PLPPR4: variants seen among roughly 807,000 people sequenced by gnomAD.
The protein encoded by PLPPR4 is phospholipid phosphatase related 4.
In PLPPR4, 24 loss-of-function variants were observed where a neutral mutation model predicts 56.6. The ratio of observed to expected loss-of-function variants is 0.42; its 90% CI spans 0.31 to 0.60. The LOEUF is 0.60. Ranked by LOEUF, PLPPR4 falls within the 20% of genes least tolerant of loss-of-function variation. The pLI is 0.13. For synonymous variants in PLPPR4, 326 were observed against 328.1 expected, an observed-to-expected ratio of 0.99 and a Z score of 0.07; for missense variants, 654 against 885.8, an observed-to-expected ratio of 0.74 and a Z score of 3.32.
At chr1:99,304,415 T>C (rs994448756) in intron 6 of PLPPR4, among the ~76,000 whole-genome samples, 12 of 152,314 alleles carry the variant, frequency 7.9e-5, no homozygotes, top group Non-Finnish European at 1.3e-4. Context: ...CACCTGTCAA[T>C]GCATTTCTTA....
chr1:99,279,996 A>G (rs1025373589), intron 1 of PLPPR4, among the ~76,000 whole-genome samples: 1 of 152,206 alleles, frequency 6.6e-6, no homozygotes, highest in Non-Finnish European at 1.5e-5. Flanking sequence ...AGCAATTTTC[A>G]TGTTTGGGTG....
intron 6 of PLPPR4, among the ~76,000 whole-genome samples, chr1:99,303,396 T>C (rs1035292127): frequency 6.6e-6 from 1 of 152,116 alleles, no homozygotes; most frequent in East Asian, 1.9e-4. Flanking sequence ...AGCAGTTAAG[T>C]AGTTGCTTCT....
chr1:99,288,529 C>G (rs187491447), intron 2 of PLPPR4, among the ~76,000 whole-genome samples: 53 of 152,032 alleles, frequency 3.5e-4, no homozygotes, highest in African/African-American at 1.2e-3. Flanking sequence ...ATTACATAGC[C>G]AAAAGTGCAT....
rs1480612524 is a variant in PLPPR4, at chr1:99,306,105, C to A, written c.1243C>A (p.Gln415Lys). Reference sequence around the variant, plus strand: ...GAATGAAAGTCGAAAGTTGTCCTTGCAAGTTATAGAGCCTGAGCCTGGGCA... The same window carrying A: ...GAATGAAAGTCGAAAGTTGTCCTTGAAAGTTATAGAGCCTGAGCCTGGGCA... ...NKNESRKLSL[Q>K]VIEPEPGQSP... Residue 415 changes from glutamine to lysine, a missense_variant, in exon 7 of 7, where the codon CAA becomes AAA. Around this residue, in one of 2 missense-constraint regions of PLPPR4, gnomAD observed 468 missense variants for 554.3 expected, o/e 0.84. Coordinates refer to ENST00000370185, the MANE Select transcript of PLPPR4 (RefSeq NM_014839.5). This position sits in a 1 kb window ranked among gnomAD's most constrained non-coding sequence, Gnocchi z 4.0. The A allele has an allele frequency of 1.9e-6, 3 of 1,613,982 alleles. No individual in the cohort carries two copies. Among genetic ancestry groups the A allele is most frequent in the Non-Finnish European group, 2.5e-6 (3 of 1,180,030 alleles).
At chr1:99,298,167 TACCCTGGTCC>T (rs1659790362) in intron 3 of PLPPR4, among the ~76,000 whole-genome samples, 1 of 152,084 alleles carries the variant, frequency 6.6e-6, no homozygotes, top group Admixed American at 6.6e-5. Context: ...ACTGAAGAAT[TACCCTGGTCC>T]TCTCATAATG....
chr1:99,279,708 C>T (rs964902802), intron 1 of PLPPR4, among the ~76,000 whole-genome samples: 22 of 152,144 alleles, frequency 1.4e-4, no homozygotes, highest in Non-Finnish European at 2.4e-4. Context: ...GCAGGATACA[C>T]GGCGGTGCAT....
At chr1:99,269,859 T>C (rs1447592595) in intron 1 of PLPPR4, among the ~76,000 whole-genome samples, 2 of 152,304 alleles carry the variant, frequency 1.3e-5, no homozygotes, top group East Asian at 1.9e-4. Context: ...CTTCTGTGCA[T>C]AGGTATGTAC....
At chr1:99,290,559 T>C (rs968200765) in intron 2 of PLPPR4, among the ~76,000 whole-genome samples, 10 of 152,088 alleles carry the variant, frequency 6.6e-5, no homozygotes, top group African/African-American at 2.4e-4. Flanking sequence ...AGGGCTACAG[T>C]AACCAAAACA....
chr1:99,271,943 T>TGTGTGTGTGTGTGA lies in PLPPR4; in HGVS notation c.78+7273_78+7274insTGTGTGTGTGTGAG, dbSNP rs140869914. Among the ~76,000 whole-genome samples, 692 of 127,006 alleles carry TGTGTGTGTGTGTGA rather than the reference T, an allele frequency of 5.4e-3. 6 individuals are homozygous for TGTGTGTGTGTGTGA. The highest frequency in any genetic ancestry group is 0.016 in the African/African-American group (564 of 34,212). 83.3% of individuals were successfully genotyped at this position (127,006 alleles called of 152,430 possible). On this transcript the variant is annotated intron_variant, in intron 1 of 6. Transcript: ENST00000370185. ...GTGTGTGTGTGTGTGTGTGTGTGTG[T>TGTGTGTGTGTGTGA]GATGGAGATCCAATCTGTGAGCAAA...
chr1:99,267,156 T>C (rs1179655011), intron 1 of PLPPR4, among the ~76,000 whole-genome samples: 3 of 152,194 alleles, frequency 2.0e-5, no homozygotes, highest in Non-Finnish European at 2.9e-5. Flanking sequence ...GAGAAAACAG[T>C]CCCTGGTTCT....
Position 99,299,122 on chromosome 1 carries a change from CTG to C in PLPPR4, c.487_488del (p.Cys163GlnfsTer26). 1 of 1,613,208 alleles carries C rather than the reference CTG, an allele frequency of 6.2e-7. No individual in the cohort carries two copies. Among genetic ancestry groups the C allele is most frequent in the Non-Finnish European group, 8.5e-7 (1 of 1,179,404 alleles). On this transcript the variant is annotated frameshift_variant, in exon 4 of 7. Transcript: ENST00000370185. LOFTEE classifies it high-confidence loss of function. Reference sequence around the variant, plus strand: ...GGATATCAAGCACCTTACTTTCTGACTGTGTGCAAACCAAACTATACCTCTCT... The same window carrying C: ...GGATATCAAGCACCTTACTTTCTGACTGTGCAAACCAAACTATACCTCTCT...
At position 99,292,412 on chromosome 1, in the gene PLPPR4, C is replaced by G. The variant is rs1013102937; in HGVS notation, c.264+4262C>G. ...GGCATTAAAACTTTCTTTCTTGAGG[C>G]CTGAGAAATAAAAGGGAAAATACAC... On this transcript the variant is annotated intron_variant, in intron 2 of 6. Transcript: ENST00000370185. Among the ~76,000 whole-genome samples, 9 of 152,238 alleles carry G rather than the reference C, an allele frequency of 5.9e-5. No homozygotes were observed. The East Asian group carries it at 1.7e-3, about 29-fold the overall frequency.
Position 99,306,473 on chromosome 1 carries a change from G to A in PLPPR4, c.1611G>A (p.Gln537=). The A allele has an allele frequency of 6.2e-7, 1 of 1,614,186 alleles. No homozygotes were observed. Among genetic ancestry groups the A allele is most frequent in the Non-Finnish European group, 8.5e-7 (1 of 1,180,030 alleles). ...RIMQVIAMSK[Q]QGVLQSSPKN... is the part of the protein sequence containing the mutation. ...TGCAAGTCATAGCCATGTCCAAGCA[G>A]CAGGGTGTCCTCCAAAGCAGCCCCA... Residue 537 remains glutamine (Q), a synonymous_variant, in exon 7 of 7, where the codon CAG becomes CAA. Coordinates refer to ENST00000370185, the MANE Select transcript of PLPPR4 (RefSeq NM_014839.5). This position sits in a 1 kb window ranked among gnomAD's most constrained non-coding sequence, Gnocchi z 4.0.
At chr1:99,278,363 A>G (rs1659244823) in intron 1 of PLPPR4, among the ~76,000 whole-genome samples, 1 of 152,170 alleles carries the variant, frequency 6.6e-6, no homozygotes, top group African/African-American at 2.4e-5. Flanking sequence ...TTCATCAAAA[A>G]GGTGTTGTGA....
At chr1:99,296,644 G>C (rs1283022172) in intron 2 of PLPPR4, 94 bp from the exon 3 acceptor site, 1 of 995,128 alleles carries the variant, frequency 1.0e-6, no homozygotes, top group African/African-American at 1.7e-5. Context: ...TTATTGAATT[G>C]ATATGTTAAA....
At chr1:99,275,091 C>T (rs1056872981) in intron 1 of PLPPR4, among the ~76,000 whole-genome samples, 2 of 151,934 alleles carry the variant, frequency 1.3e-5, no homozygotes, top group South Asian at 4.1e-4. Flanking sequence ...CTGAAAATGC[C>T]TGTATTGTAG....
intron 6 of PLPPR4, among the ~76,000 whole-genome samples, chr1:99,302,340 G>A (rs752712465): frequency 6.6e-6 from 1 of 151,872 alleles, no homozygotes; most frequent in Non-Finnish European, 1.5e-5. Context: ...CTTTTTTCAA[G>A]CCTGGTCCCC....
rs540681288 is a variant in PLPPR4, at chr1:99,282,576, C to G, written c.79-5389C>G. On this transcript the variant is annotated intron_variant, in intron 1 of 6. Coordinates refer to ENST00000370185, the MANE Select transcript of PLPPR4 (RefSeq NM_014839.5). ...TTGACCCACCATGATCATCCTCAAT[C>G]TAACAGCCAGTGATCTTTGTAAAAT... 1.4e-3 allele frequency among the ~76,000 whole-genome samples: 213 copies of G among 152,250 alleles called. 1 individual carries two copies. The highest frequency in any genetic ancestry group is 2.2e-4 in the Non-Finnish European group (15 of 67,992).
Position 99,306,237 on chromosome 1 carries a change from G to GGC in PLPPR4, c.1378_1379dup (p.Val461LeufsTer37). ...CAATCAGTACCTCAAAATCCAGCCT[G>GGC]GCGCTGTCCCCGGATGTAACAACAG... On this transcript the variant is annotated frameshift_variant, in exon 7 of 7. Transcript: ENST00000370185. LOFTEE classifies it high-confidence loss of function. This position sits in a 1 kb window ranked among gnomAD's most constrained non-coding sequence, Gnocchi z 4.0. The GGC allele has an allele frequency of 6.2e-7, 1 of 1,614,158 alleles. No individual in the cohort carries two copies. The highest frequency in any genetic ancestry group is 1.7e-5 in the Admixed American group (1 of 60,028).
Sources: allele counts gnomAD v4.1 joint callset (sites outside exome capture counted in the v4.1 genomes callset), GRCh38; gene constraint gnomAD v4.1.1; regional missense constraint gnomAD v4.1.1; non-coding constraint Gnocchi (gnomAD v3.1); transcripts MANE v1.5; gene names NCBI Gene and HGNC (gene_info 2026-07-23, HGNC 2026-07-21).